Variants in NUP214 observed in about 807,000 individuals in gnomAD.
NUP214 encodes nuclear pore complex protein Nup214.
NUP214 carries 79 observed loss-of-function variants against 196.2 expected under a neutral mutation model. That is an observed-to-expected ratio of 0.40 (90% confidence interval 0.34 to 0.49). The LOEUF (loss-of-function observed/expected upper bound fraction) is 0.49. NUP214 is among the 20% of genes least tolerant of loss of function. The probability of loss-of-function intolerance (pLI) is 0.58; values close to 1 mark genes in which losing one functional copy is unlikely to be tolerated. For synonymous variants in NUP214, 1,020 were observed against 990.5 expected, an observed-to-expected ratio of 1.03 and a Z score of -0.56; for missense variants, 2,468 against 2,539.0, an observed-to-expected ratio of 0.97 and a Z score of 0.60.
intron 17 of NUP214, among the ~76,000 whole-genome samples, chr9:131,158,027 C>T (rs1455484320): frequency 2.0e-5 from 3 of 152,038 alleles, no homozygotes. Flanking sequence ...GAGTAATACA[C>T]CCGTCCTGGC....
At chr9:131,166,012 A>G (rs1832778984) in intron 21 of NUP214, among the ~76,000 whole-genome samples, 1 of 152,184 alleles carries the variant, frequency 6.6e-6, no homozygotes, top group African/African-American at 2.4e-5. Context: ...TGCACAGGGA[A>G]AATAGTTCTG....
In NUP214 at chr9:131,234,176, C is replaced by T. The variant is rs974064301; in HGVS notation, c.*689C>T. ...ATGTGGCTCTTGGGTGCCATGTGTCCTACTCCAGAGAGGAGGGGGCCGGTC... is the reference window on the plus strand; with the variant it reads ...ATGTGGCTCTTGGGTGCCATGTGTCTTACTCCAGAGAGGAGGGGGCCGGTC... On this transcript the variant is annotated 3_prime_UTR_variant, in exon 36 of 36. Transcript: ENST00000359428. The T allele has an allele frequency of 1.3e-5, 3 of 233,406 alleles. No homozygotes were observed. Among genetic ancestry groups the T allele is most frequent in the African/African-American group, 6.6e-5 (3 of 45,316 alleles). The allele number at this position is 233,406 out of a possible 1,614,324, so 14.5% of individuals were successfully genotyped here. A position where few individuals can be genotyped will look rare whatever the true frequency, so the allele number is the denominator to read the frequency against.
Position 131,230,256 on chromosome 9 carries a change from A to G in NUP214, c.6075-374A>G, listed in dbSNP as rs182722942. On this transcript the variant is annotated intron_variant, in intron 33 of 35. Coordinates refer to ENST00000359428, the MANE Select transcript of NUP214 (RefSeq NM_005085.4). ...CTGAAGATAAATAAATGGGAGCAGG[A>G]TGTGGGGGAATGGTCGGTAAGTGAG... The G allele has an allele frequency of 1.7e-3, 357 of 207,102 alleles. 4 individuals carry two copies. The highest frequency in any genetic ancestry group is 8.0e-3 in the African/African-American group (339 of 42,512). The allele number at this position is 207,102 out of a possible 1,614,324, so 12.8% of individuals were successfully genotyped here. A position where few individuals can be genotyped will look rare whatever the true frequency, so the allele number is the denominator to read the frequency against.
chr9:131,150,882 T>C, intron 16 of NUP214, 117 bp downstream of exon 16: 1 of 973,726 alleles, frequency 1.0e-6, no homozygotes, highest in Non-Finnish European at 1.5e-6. Flanking sequence ...TGTTGTTTTT[T>C]TAACGTGGCT....
chr9:131,201,585 T>C, intron 29 of NUP214, 62 bp from the exon 30 acceptor site: 1 of 1,304,964 alleles, frequency 7.7e-7, no homozygotes, highest in Admixed American at 1.9e-5. Context: ...ACAACAAAAC[T>C]TTAATGTTGT....
intron 30 of NUP214, among the ~76,000 whole-genome samples, chr9:131,213,583 A>C (rs1834307685): frequency 6.6e-6 from 1 of 152,220 alleles, no homozygotes; most frequent in African/African-American, 2.4e-5. Context: ...TGATGCATGG[A>C]CGTCAGCTAA....
rs559008168 is a variant in NUP214 at position 131,146,638 on chromosome 9, A to G, written c.1945+334A>G. Reference sequence around the variant, plus strand: ...CAGTTCTTTAAGAAGCACAGGCACAAGAGTTGTTTGGCGGGGTGCGGTGGC... The same window carrying G: ...CAGTTCTTTAAGAAGCACAGGCACAGGAGTTGTTTGGCGGGGTGCGGTGGC... On this transcript the variant is annotated intron_variant, in intron 13 of 35. Coordinates refer to ENST00000359428, the MANE Select transcript of NUP214 (RefSeq NM_005085.4). This position sits in a 1 kb window ranked among gnomAD's most constrained non-coding sequence, Gnocchi z 4.6. Among the ~76,000 whole-genome samples the G allele has an allele frequency of 3.3e-5, 5 of 152,348 alleles. No individual in the cohort carries two copies. The highest frequency in any genetic ancestry group is 2.1e-4 in the South Asian group (1 of 4,832).
At chr9:131,229,767 A>G (rs1273777018) in intron 33 of NUP214, 2 of 518,786 alleles carry the variant, frequency 3.9e-6, no homozygotes, top group African/African-American at 1.9e-5. Flanking sequence ...AGAAAGTCCA[A>G]TGAGAGCAGA....
chr9:131,230,491 G>T, intron 33 of NUP214, 139 bp from the exon 34 acceptor site: 1 of 956,596 alleles, frequency 1.0e-6, no homozygotes, highest in Non-Finnish European at 1.6e-6. Context: ...TCTCTGAAAG[G>T]CTGCTAGTTA....
At chr9:131,130,880 A>G in intron 5 of NUP214, 44 bp downstream of exon 5, 17 of 1,528,834 alleles carry the variant, frequency 1.1e-5, no homozygotes, top group Non-Finnish European at 1.5e-5. Flanking sequence ...TAAGTTGCCC[A>G]CTTTTTTGGG....
chr9:131,159,315 G>C, intron 17 of NUP214, 68 bp from the exon 18 acceptor site: 2 of 1,081,128 alleles, frequency 1.8e-6, no homozygotes, highest in Non-Finnish European at 2.8e-6. Context: ...TCTTTTGACT[G>C]TTTTGATACA....
Position 131,232,240 on chromosome 9 carries a change from C to A in NUP214, c.6215-44C>A. 5 of 1,612,686 alleles carry A rather than the reference C, an allele frequency of 3.1e-6. No homozygotes were observed. The highest frequency in any genetic ancestry group is 4.2e-6 in the Non-Finnish European group (5 of 1,178,684). ...TAGCATGGGGACCACCTTTGTCTTT[C>A]GAGTGGATGCGTGCTTTAACTTCAC... On this transcript the variant is annotated intron_variant, in intron 34 of 35. Transcript: ENST00000359428. This position sits in a 1 kb window ranked among gnomAD's most constrained non-coding sequence, Gnocchi z 5.1.
At position 131,227,910 on chromosome 9, in the gene NUP214, T is replaced by C. The variant is rs1229334133; in HGVS notation, c.5903-250T>C. ...CTGAGTGGACCCCAGAGCCCTCTGCTAGGAATGGAGGGGAGTGGTTTGGTT... is the reference window on the plus strand; with the variant it reads ...CTGAGTGGACCCCAGAGCCCTCTGCCAGGAATGGAGGGGAGTGGTTTGGTT... On this transcript the variant is annotated intron_variant, in intron 32 of 35. Transcript: ENST00000359428. Among the ~76,000 whole-genome samples, 5 of 139,068 alleles carry C rather than the reference T, an allele frequency of 3.6e-5. No homozygotes were observed. The East Asian group carries it at 1.1e-3, about 29-fold the overall frequency. The allele number at this position is 139,068 out of a possible 152,430, so 91.2% of individuals were successfully genotyped here.
chr9:131,163,821 C>T lies in NUP214; in HGVS notation c.2724-49C>T, dbSNP rs760904384. The T allele has an allele frequency of 4.5e-5, 64 of 1,432,290 alleles. 1 individual carries two copies. Among genetic ancestry groups the T allele is most frequent in the South Asian group, 7.0e-5 (6 of 85,920 alleles). The allele number at this position is 1,432,290 out of a possible 1,614,324, so 88.7% of individuals were successfully genotyped here. On this transcript the variant is annotated intron_variant, in intron 19 of 35. Transcript: ENST00000359428. Reference sequence around the variant, plus strand: ...AGGATAGTGTACCCCCGACAGCCTCCGATCTTTCAGCTCCTAGTTGGTCTG... The same window carrying T: ...AGGATAGTGTACCCCCGACAGCCTCTGATCTTTCAGCTCCTAGTTGGTCTG...
At chr9:131,193,193 C>T (rs970703541) in intron 27 of NUP214, among the ~76,000 whole-genome samples, 1 of 152,006 alleles carries the variant, frequency 6.6e-6, no homozygotes, top group Non-Finnish European at 1.5e-5. Flanking sequence ...GGTGCCTGTT[C>T]TCTGTGCCCT....
At chr9:131,187,036 A>G in intron 24 of NUP214, 1 of 444,662 alleles carries the variant, frequency 2.2e-6, no homozygotes, top group Non-Finnish European at 4.1e-6. Context: ...AATGGTTACT[A>G]ATTTTTTTCT....
intron 30 of NUP214, among the ~76,000 whole-genome samples, chr9:131,202,936 A>T (rs1833978252): frequency 6.7e-6 from 1 of 149,042 alleles, no homozygotes. Flanking sequence ...ATTTATTTAT[A>T]TTTATTTATT....
intron 21 of NUP214, 100 bp from the exon 22 acceptor site, chr9:131,173,955 A>G (rs182787934): frequency 7.3e-7 from 1 of 1,372,968 alleles, no homozygotes. Context: ...AAATCATTTT[A>G]CAAGTTGAGT....
At chr9:131,163,215 T>C (rs1285466942) in intron 19 of NUP214, 42 bp downstream of exon 19, 4 of 1,560,622 alleles carry the variant, frequency 2.6e-6, no homozygotes, top group Non-Finnish European at 3.5e-6. Flanking sequence ...GGTGAATGAA[T>C]GCATGAACAT....
Sources: gnomAD v4.1 joint callset for allele counts (sites outside exome capture counted in the v4.1 genomes callset) on GRCh38, gnomAD v4.1.1 for gene constraint, Gnocchi (gnomAD v3.1) non-coding constraint, MANE v1.5 for transcripts, NCBI Gene and HGNC (gene_info 2026-07-23, HGNC 2026-07-21) for gene names.